The following NSG2 variants were observed in gnomAD, a reference collection of about 807,000 sequenced individuals.
NSG2 encodes neuronal vesicle trafficking-associated protein 2.
In NSG2, 4 loss-of-function variants were observed where a neutral mutation model predicts 16.9. That is an observed-to-expected ratio of 0.24 (90% CI 0.12 to 0.54). The LOEUF (loss-of-function observed/expected upper bound fraction) is 0.54. Among genes scored for constraint, NSG2 ranks in the 20% least tolerant of loss-of-function variants. The probability of loss-of-function intolerance (pLI) is 0.95; values close to 1 mark genes in which losing one functional copy is unlikely to be tolerated. For missense variants in NSG2, 179 were observed against 221.1 expected (o/e 0.81, Z 1.21); for synonymous variants, 98 against 88.7 (o/e 1.11, Z -0.59).
At chr5:174,051,702 C>T (rs540550034) in intron 2 of NSG2, among the ~76,000 whole-genome samples, 12 of 152,206 alleles carry the variant, frequency 7.9e-5, no homozygotes, top group African/African-American at 2.9e-4. Flanking sequence ...AGCTTCCAGT[C>T]CAATGAGAAA....
At chr5:174,054,506 C>G (rs1403083328) in intron 2 of NSG2, among the ~76,000 whole-genome samples, 1 of 152,156 alleles carries the variant, frequency 6.6e-6, no homozygotes, top group Non-Finnish European at 1.5e-5. Flanking sequence ...CCTCAGTCCC[C>G]TAAGTAACTG....
chr5:174,083,503 T>C (rs897544854), intron 3 of NSG2, among the ~76,000 whole-genome samples: 2 of 152,232 alleles, frequency 1.3e-5, no homozygotes, highest in Admixed American at 6.5e-5. Flanking sequence ...AGGTGGACTG[T>C]GCTGGAGGCC....
rs1308363851 is a variant in NSG2 at position 174,108,426 on chromosome 5, G to A, written c.*921G>A. Reference sequence around the variant, plus strand: ...ATAAGCACAGGCACCTGACTTTTAAGTTTTTGTTTGTTTGTTGTTTCCCAA... The same window carrying A: ...ATAAGCACAGGCACCTGACTTTTAAATTTTTGTTTGTTTGTTGTTTCCCAA... On this transcript the variant is annotated 3_prime_UTR_variant, in exon 5 of 5. Coordinates refer to ENST00000303177, the MANE Select transcript of NSG2 (RefSeq NM_015980.5). 6.6e-6 allele frequency: 1 copy of A among 152,488 alleles called. No homozygotes were observed. The highest frequency in any genetic ancestry group is 1.5e-5 in the Non-Finnish European group (1 of 68,190). The allele number at this position is 152,488 out of a possible 1,614,324, so 9.4% of individuals were successfully genotyped here. A position where few individuals can be genotyped will look rare whatever the true frequency, so the allele number is the denominator to read the frequency against.
At chr5:174,081,902 A>AG (rs1487135454) in intron 3 of NSG2, among the ~76,000 whole-genome samples, 1 of 151,920 alleles carries the variant, frequency 6.6e-6, no homozygotes, top group East Asian at 1.9e-4. Context: ...AAAAAAAAAA[A>AG]AAAAAAGAGA....
rs151110965 is a variant in NSG2 at position 174,072,984 on chromosome 5, A to AAATGAATG, written c.213+8686_213+8693dup. ...GGGTAACAGAGTGAGATCCTGTCTC[A>AAATGAATG]AATGAATGAATGAATGAATGAATGC... On this transcript the variant is annotated intron_variant, in intron 3 of 4. Coordinates refer to ENST00000303177, the MANE Select transcript of NSG2 (RefSeq NM_015980.5). This position sits in a 1 kb window ranked among gnomAD's most constrained non-coding sequence, Gnocchi z 4.0. 0.015 allele frequency among the ~76,000 whole-genome samples: 2,159 copies of AAATGAATG among 142,850 alleles called. 25 individuals carry two copies. The highest frequency in any genetic ancestry group is 0.022 in the Non-Finnish European group (1,394 of 63,458). The allele number at this position is 142,850 out of a possible 152,430, so 93.7% of individuals were successfully genotyped here. A position where few individuals can be genotyped will look rare whatever the true frequency, so the allele number is the denominator to read the frequency against.
chr5:174,051,756 T>A (rs1759893310), intron 2 of NSG2, among the ~76,000 whole-genome samples: 1 of 152,190 alleles, frequency 6.6e-6, no homozygotes, highest in Non-Finnish European at 1.5e-5. Flanking sequence ...AGCATATAGA[T>A]GCAAATTGTG....
intron 3 of NSG2, among the ~76,000 whole-genome samples, chr5:174,066,856 G>A (rs1034866650): frequency 9.3e-5 from 14 of 151,116 alleles, no homozygotes; most frequent in Admixed American, 5.2e-4. Flanking sequence ...CGGGCGTAGT[G>A]GCGGGCGCCT....
intron 2 of NSG2, among the ~76,000 whole-genome samples, chr5:174,059,111 G>A (rs949486618): frequency 6.6e-6 from 1 of 152,162 alleles, no homozygotes. Flanking sequence ...CTAACCCCAT[G>A]ACTGCAAATG....
intron 4 of NSG2, among the ~76,000 whole-genome samples, chr5:174,106,482 T>C (rs1224596897): frequency 6.6e-6 from 1 of 152,084 alleles, no homozygotes; most frequent in Non-Finnish European, 1.5e-5. Flanking sequence ...CCCAGGTTCA[T>C]TGCCTCTTAG....
rs144569010 is a variant in NSG2, at chr5:174,070,054, G to A, written c.213+5739G>A. Among the ~76,000 whole-genome samples the A allele has an allele frequency of 3.6e-3, 541 of 151,750 alleles. 3 individuals carry two copies. Among genetic ancestry groups the A allele is most frequent in the African/African-American group, 0.012 (514 of 41,366 alleles). On this transcript the variant is annotated intron_variant, in intron 3 of 4. Coordinates refer to ENST00000303177, the MANE Select transcript of NSG2 (RefSeq NM_015980.5). ...CACCATGCTCGGCTAATTTAAAAAG[G>A]TTTTTCTTTTTTTGGTAGAGATAGG...
At chr5:174,047,025 C>T in intron 2 of NSG2, 141 bp downstream of exon 2, 1 of 815,912 alleles carries the variant, frequency 1.2e-6, no homozygotes. Flanking sequence ...TGTAGTTATT[C>T]CTTCCAGAGC....
intron 3 of NSG2, among the ~76,000 whole-genome samples, chr5:174,087,452 G>A (rs575495385): frequency 1.3e-5 from 2 of 152,122 alleles, no homozygotes; most frequent in Non-Finnish European, 2.9e-5. Flanking sequence ...AAAATGACAG[G>A]CTCTACCTTA....
At chr5:174,064,611 A>G (rs953525882) in intron 3 of NSG2, 93 of 239,586 alleles carry the variant, frequency 3.9e-4, no homozygotes, top group Non-Finnish European at 5.4e-4. Flanking sequence ...CTGCTTTTTC[A>G]TCACAATCTC....
At chr5:174,053,656 T>C (rs189981712) in intron 2 of NSG2, among the ~76,000 whole-genome samples, 151 of 152,274 alleles carry the variant, frequency 9.9e-4, no homozygotes, top group South Asian at 6.9e-3. Flanking sequence ...TCATCTCAAA[T>C]TGGGACAACA....
chr5:174,104,956 A>G (rs1760953661), intron 4 of NSG2, among the ~76,000 whole-genome samples: 1 of 152,210 alleles, frequency 6.6e-6, no homozygotes, highest in South Asian at 2.1e-4. Context: ...CAAAGGGCCT[A>G]TTAGATAATG....
intron 3 of NSG2, among the ~76,000 whole-genome samples, chr5:174,097,693 CTGTG>C (rs781200658): frequency 1.4e-5 from 2 of 143,908 alleles, no homozygotes; most frequent in Admixed American, 7.0e-5. Context: ...GTCTGTGTAA[CTGTG>C]TGTGTCTTTT....
In NSG2 at chr5:174,107,533, G is replaced by C. The variant is rs757164713; in HGVS notation, c.*28G>C. ...GCCTGCCCCAGCCAGAATGGGGGGC[G>C]GGGTGGAGAGGAGGACCCCCATTGG... On this transcript the variant is annotated 3_prime_UTR_variant, in exon 5 of 5. Transcript: ENST00000303177. This position sits in a 1 kb window ranked among gnomAD's most constrained non-coding sequence, Gnocchi z 4.5. 5 of 1,581,738 alleles carry C rather than the reference G, an allele frequency of 3.2e-6. No homozygotes were observed. The highest frequency in any genetic ancestry group is 4.3e-6 in the Non-Finnish European group (5 of 1,158,844).
At chr5:174,074,573 T>C (rs1257444262) in intron 3 of NSG2, among the ~76,000 whole-genome samples, 1 of 152,022 alleles carries the variant, frequency 6.6e-6, no homozygotes, top group Non-Finnish European at 1.5e-5. Context: ...ATCAGATCAC[T>C]CTCCTGCTTG....
intron 2 of NSG2, 41 bp downstream of exon 2, chr5:174,046,925 C>T (rs751594070): frequency 6.2e-7 from 1 of 1,601,102 alleles, no homozygotes; most frequent in South Asian, 1.1e-5. Flanking sequence ...CCCAGGCTCC[C>T]CCCATCTCAG....
Sources: gnomAD v4.1 joint callset for allele counts (sites outside exome capture counted in the v4.1 genomes callset) on GRCh38, gnomAD v4.1.1 for gene constraint, Gnocchi (gnomAD v3.1) non-coding constraint, MANE v1.5 for transcripts, NCBI Gene and HGNC (gene_info 2026-07-23, HGNC 2026-07-21) for gene names.